Variants in SETD7 observed in about 807,000 individuals in gnomAD.
SETD7 encodes the protein SET domain containing 7, histone lysine methyltransferase.
SETD7 carries 16 observed loss-of-function variants against 41.8 expected under a neutral mutation model. The observed-to-expected ratio is 0.38, with a 90% CI of 0.26 to 0.58. The LOEUF is 0.58. Ranked by LOEUF, SETD7 falls within the 20% of genes least tolerant of loss-of-function variation. The probability of loss-of-function intolerance (pLI) is 0.64; values close to 1 mark genes in which losing one functional copy is unlikely to be tolerated. For synonymous variants in SETD7, 163 were observed against 169.7 expected (o/e 0.96, Z 0.31); for missense variants, 346 against 459.7 (o/e 0.75, Z 2.26).
intron 1 of SETD7, among the ~76,000 whole-genome samples, chr4:139,551,010 G>GTGAT (rs1048862345): frequency 1.2e-4 from 19 of 152,184 alleles, no homozygotes; most frequent in African/African-American, 4.3e-4. Context: ...CTCTTCCTTG[G>GTGAT]TGATGGTAAG....
Position 139,533,312 on chromosome 4 carries a change from A to G in SETD7, c.225T>C (p.Thr75=), listed in dbSNP as rs1727542439. 1 of 1,614,150 alleles carries G rather than the reference A, an allele frequency of 6.2e-7. No individual in the cohort carries two copies. Among genetic ancestry groups the G allele is most frequent in the Non-Finnish European group, 8.5e-7 (1 of 1,180,024 alleles). The change falls in exon 3 of 8, where the codon ACT becomes ACC. Residue 75 remains threonine (T), a synonymous_variant. Transcript: ENST00000274031. The part of the protein sequence containing the change: ...DDALQGQGVY[T]YEDGGVLQGT... ...CCTGGAGAACTCCCCCATCTTCGTAAGTGTAAACTCCCTGGCCCTGCAAGG... is the reference window on the plus strand; with the variant it reads ...CCTGGAGAACTCCCCCATCTTCGTAGGTGTAAACTCCCTGGCCCTGCAAGG...
chr4:139,522,432 T>C (rs1042738292), intron 5 of SETD7, among the ~76,000 whole-genome samples: 21 of 152,142 alleles, frequency 1.4e-4, no homozygotes, highest in African/African-American at 4.8e-4. Flanking sequence ...AGACATGAAG[T>C]AGAACAGGAT....
intron 5 of SETD7, among the ~76,000 whole-genome samples, chr4:139,521,380 T>C (rs1727177253): frequency 6.6e-6 from 1 of 151,792 alleles, no homozygotes; most frequent in Middle Eastern, 3.2e-3. Flanking sequence ...GAGCTGAAAT[T>C]GCACCATTGC....
downstream of SETD7, among the ~76,000 whole-genome samples, chr4:139,493,817 G>A (rs753802332): frequency 7.9e-5 from 12 of 152,196 alleles, no homozygotes; most frequent in Admixed American, 7.9e-4. Flanking sequence ...TGAAATTACA[G>A]GTGTAAGCCA....
chr4:139,499,901 T>A (rs1195441126), intron 7 of SETD7, among the ~76,000 whole-genome samples: 3 of 152,192 alleles, frequency 2.0e-5, no homozygotes, highest in Admixed American at 6.5e-5. Flanking sequence ...CCAGGAAGAA[T>A]CTAGACAGAG....
chr4:139,511,520 T>C lies in SETD7; in HGVS notation c.*143A>G, dbSNP rs1176610430. The stretch of plus-strand genomic sequence containing the variant: ...GAGTAATACAGTCAAACCTAGTTAG[T>C]ATGCGAGAAAGTCGTTGCTAACGCA... On this transcript the variant is annotated 3_prime_UTR_variant, in exon 8 of 8. Transcript: ENST00000274031. The C allele has an allele frequency of 7.5e-6, 11 of 1,473,824 alleles. No homozygotes were observed. The highest frequency in any genetic ancestry group is 1.0e-5 in the Non-Finnish European group (11 of 1,087,482). The allele number at this position is 1,473,824 out of a possible 1,614,324, so 91.3% of individuals were successfully genotyped here. A position where few individuals can be genotyped will look rare whatever the true frequency, so the allele number is the denominator to read the frequency against.
chr4:139,537,621 G>A (rs1366955742), intron 2 of SETD7, among the ~76,000 whole-genome samples: 4 of 152,182 alleles, frequency 2.6e-5, no homozygotes, highest in Non-Finnish European at 5.9e-5. Context: ...TAGATTGTAA[G>A]CCCTTTATGG....
At chr4:139,531,998 G>A (rs1038448974) in intron 3 of SETD7, among the ~76,000 whole-genome samples, 1 of 152,294 alleles carries the variant, frequency 6.6e-6, no homozygotes, top group Admixed American at 6.5e-5. Flanking sequence ...GGAGGCTGAG[G>A]CAGAAGAATC....
intron 2 of SETD7, among the ~76,000 whole-genome samples, chr4:139,544,274 C>T (rs28440179): frequency 0.27 from 37,766 of 139,914 alleles, 4,952 homozygotes; most frequent in East Asian, 0.48. Context: ...GCCTGGGCAA[C>T]GGAGTGAGAA....
intron 1 of SETD7, among the ~76,000 whole-genome samples, chr4:139,552,763 A>G (rs1728145958): frequency 6.6e-6 from 1 of 152,062 alleles, no homozygotes; most frequent in East Asian, 1.9e-4. Context: ...GCTCTATGGC[A>G]CCTCTTCTGG....
exon 8 of SETD7, chr4:139,496,418 C>T (rs1726456085): frequency 1.4e-6 from 1 of 702,514 alleles, no homozygotes; most frequent in South Asian, 1.5e-5. Flanking sequence ...GGAATGCCAG[C>T]TTTTCTGTGT....
intron 7 of SETD7, among the ~76,000 whole-genome samples, chr4:139,514,952 G>A (rs767413357): frequency 7.9e-5 from 12 of 152,114 alleles, no homozygotes; most frequent in Non-Finnish European, 1.2e-4. Context: ...GATCACATGA[G>A]GTAAGGAGTT....
intron 1 of SETD7, among the ~76,000 whole-genome samples, chr4:139,553,740 A>T (rs899541149): frequency 2.6e-5 from 4 of 152,368 alleles, no homozygotes; most frequent in East Asian, 3.9e-4. Flanking sequence ...TATAGCAATG[A>T]TAATAATAGC....
chr4:139,551,136 G>A (rs1279709837), intron 1 of SETD7, among the ~76,000 whole-genome samples: 2 of 152,222 alleles, frequency 1.3e-5, no homozygotes, highest in African/African-American at 2.4e-5. Flanking sequence ...TGTCCCGGTT[G>A]CAAAGTCCTA....
At chr4:139,537,559 GA>G (rs1727672752) in intron 2 of SETD7, among the ~76,000 whole-genome samples, 2 of 152,172 alleles carry the variant, frequency 1.3e-5, no homozygotes, top group Admixed American at 6.5e-5. Context: ...TACTATTACA[GA>G]ACACTCCATG....
chr4:139,536,372 G>A (rs1579217731), intron 2 of SETD7, among the ~76,000 whole-genome samples: 1 of 151,866 alleles, frequency 6.6e-6, no homozygotes, highest in Non-Finnish European at 1.5e-5. Context: ...AAATAATCAT[G>A]GACTAATAAT....
intron 2 of SETD7, among the ~76,000 whole-genome samples, chr4:139,545,662 T>C (rs970951920): frequency 6.6e-6 from 1 of 152,178 alleles, no homozygotes; most frequent in Non-Finnish European, 1.5e-5. Flanking sequence ...CATCAGATCA[T>C]TGAGAGCCTG....
downstream of SETD7, among the ~76,000 whole-genome samples, chr4:139,501,605 T>TC (rs1726578170): frequency 7.3e-6 from 1 of 137,488 alleles, no homozygotes; most frequent in African/African-American, 3.4e-5. Context: ...AAAAAGGTAC[T>TC]CAAAAAAAAA....
chr4:139,510,347 T>C lies in SETD7; in HGVS notation c.*1316A>G, dbSNP rs1279419157. On this transcript the variant is annotated 3_prime_UTR_variant, in exon 8 of 8. Coordinates refer to ENST00000274031, the MANE Select transcript of SETD7 (RefSeq NM_030648.4). The stretch of plus-strand genomic sequence containing the variant: ...AGGGTGCTTATAAAAAACAAAACTC[T>C]CAGGATTCATTCAGAGCAATCCCAG... 3 of 152,160 alleles carry C rather than the reference T, an allele frequency of 2.0e-5. No homozygotes were observed. The highest frequency in any genetic ancestry group is 2.0e-4 in the Admixed American group (3 of 15,266). 9.4% of individuals were successfully genotyped at this position (152,160 alleles called of 1,614,324 possible).
Sources: gnomAD v4.1 joint callset for allele counts (sites outside exome capture counted in the v4.1 genomes callset) on GRCh38, gnomAD v4.1.1 for gene constraint, MANE v1.5 for transcripts, NCBI Gene and HGNC (gene_info 2026-07-23, HGNC 2026-07-21) for gene names.